USP36: variants seen among roughly 807,000 people sequenced by gnomAD.
USP36 encodes ubiquitin specific peptidase 36, also known as ubiquitin carboxyl-terminal hydrolase 36.
A neutral mutation model predicts 111.5 loss-of-function variants in USP36; 59 were observed. The ratio of observed to expected loss-of-function variants is 0.53; its 90% CI spans 0.43 to 0.66. The LOEUF (loss-of-function observed/expected upper bound fraction) is 0.66. Ranked by LOEUF, USP36 falls within the 30% of genes least tolerant of loss-of-function variation. The pLI is 0.00. For synonymous variants in USP36, 628 were observed against 581.0 expected (o/e 1.08, Z -1.16); for missense variants, 1,488 against 1,468.0 (o/e 1.01, Z -0.22).
At chr17:78,814,738 G>A (rs562248206) in intron 10 of USP36, among the ~76,000 whole-genome samples, 186 bp from the exon 11 acceptor site, 13 of 151,978 alleles carry the variant, frequency 8.6e-5, no homozygotes, top group African/African-American at 2.2e-4. Context: ...GGATCACCTC[G>A]AGGAGTTCGA....
Position 78,799,709 on chromosome 17 carries a change from C to G in USP36, c.3082G>C (p.Glu1028Gln), listed in dbSNP as rs776288879. 3.2e-5 allele frequency: 52 copies of G among 1,613,246 alleles called. No individual in the cohort carries two copies. Among genetic ancestry groups the G allele is most frequent in the Non-Finnish European group, 4.1e-5 (48 of 1,179,724 alleles). The change falls in exon 18 of 21, where the codon GAA becomes CAA. Residue 1028 changes from glutamate (E) to glutamine (Q), a missense_variant. Around this residue, in one of 3 missense-constraint regions of USP36, gnomAD observed 1,073 missense variants for 994.1 expected, o/e 1.08. Coordinates refer to ENST00000449938, the MANE Select transcript of USP36 (RefSeq NM_001385174.1). Reference sequence around the variant, plus strand: ...TTATCAGATGAGTATTTGAGCAGTTCCTGGACCACATCAGACTCCCGCTCT... The same window carrying G: ...TTATCAGATGAGTATTTGAGCAGTTGCTGGACCACATCAGACTCCCGCTCT... The part of the protein sequence containing the change: ...NGERESDVVQ[E>Q]LLKYSSDKAY...
At chr17:78,805,124 T>A (rs1410069761) in intron 15 of USP36, among the ~76,000 whole-genome samples, 1 of 152,152 alleles carries the variant, frequency 6.6e-6, no homozygotes, top group Admixed American at 6.5e-5. Context: ...TGAACCACCA[T>A]GTTCTCATTT....
At chr17:78,827,979 T>C (rs1415775573) in intron 5 of USP36, among the ~76,000 whole-genome samples, 1 of 152,068 alleles carries the variant, frequency 6.6e-6, no homozygotes, top group African/African-American at 2.4e-5. Flanking sequence ...ATCCCAACAC[T>C]TTGGAAGGCC....
At chr17:78,790,927 T>C (rs1393446019), downstream of USP36, among the ~76,000 whole-genome samples, 1 of 152,136 alleles carries the variant, frequency 6.6e-6, no homozygotes, top group African/African-American at 2.4e-5. Flanking sequence ...TGTTGCTTCC[T>C]CTAATCAACA....
intron 4 of USP36, among the ~76,000 whole-genome samples, chr17:78,832,917 G>A (rs1270993848): frequency 6.6e-6 from 1 of 152,178 alleles, no homozygotes; most frequent in African/African-American, 2.4e-5. Context: ...CGGAGGCAGA[G>A]GCAGGCAGAT....
rs867195983 is a variant in USP36, at chr17:78,832,432, A to G, written c.475+2848T>C. On this transcript the variant is annotated intron_variant, in intron 4 of 20. Coordinates refer to ENST00000449938, the MANE Select transcript of USP36 (RefSeq NM_001385174.1). ...GTCTCTTCATATGTTCCAAGATAGT[A>G]AGATGCACTAATATTTCACAGTGAT... is the stretch of plus-strand genomic sequence containing the variant. Among the ~76,000 whole-genome samples the G allele has an allele frequency of 3.9e-5, 6 of 152,350 alleles. No individual in the cohort carries two copies. In the Middle Eastern group the frequency reaches 0.014, roughly 345 times the overall value.
intron 3 of USP36, 121 bp from the exon 4 acceptor site, chr17:78,835,622 A>C: frequency 3.1e-6 from 3 of 983,148 alleles, no homozygotes; most frequent in Non-Finnish European, 4.5e-6. Flanking sequence ...ATGGCACCAG[A>C]GAAGAACTGG....
intron 3 of USP36, among the ~76,000 whole-genome samples, chr17:78,789,197 CAA>C (rs869247026): frequency 0.09 from 5,926 of 65,848 alleles, 271 homozygotes; most frequent in South Asian, 0.23. Flanking sequence ...AACTTGGTCC[CAA>C]AAAAAAAAAA....
At chr17:78,799,877 C>CT (rs549964435) in intron 17 of USP36, 109 bp from the exon 18 acceptor site, 7,471 of 154,636 alleles carry the variant, frequency 0.048, 371 homozygotes, top group African/African-American at 0.058. Context: ...GGATGCTTGC[C>CT]TTTTTTTTTT....
chr17:78,807,161 T>A lies in USP36; in HGVS notation c.1883A>T (p.Gln628Leu), dbSNP rs772769833. 4 of 1,614,042 alleles carry A rather than the reference T, an allele frequency of 2.5e-6. No homozygotes were observed. The highest frequency in any genetic ancestry group is 3.4e-6 in the Non-Finnish European group (4 of 1,180,014). The change falls in exon 14 of 21, where the codon CAG becomes CTG. Residue 628 changes from glutamine (Q) to leucine (L), a missense_variant. Transcript: ENST00000449938. Reference sequence around the variant, plus strand: ...ATGGGCCGCTCCACTCCTGGGGGTCTGGGGGGCCTTGGTGGAGTCGCTGCT... The same window carrying A: ...ATGGGCCGCTCCACTCCTGGGGGTCAGGGGGGCCTTGGTGGAGTCGCTGCT... ...SASSDSTKAP[Q>L]TPRSGAAHLC...
At position 78,803,608 on chromosome 17, in the gene USP36, C is replaced by T; in HGVS notation, c.2587G>A (p.Gly863Arg). 6.2e-7 allele frequency: 1 copy of T among 1,612,378 alleles called. No homozygotes were observed. The highest frequency in any genetic ancestry group is 1.1e-5 in the South Asian group (1 of 91,062). Residue 863 changes from glycine to arginine, a missense_variant, in exon 16 of 21, where the codon GGG (glycine) becomes AGG (arginine). By Grantham distance (125) the Gly-to-Arg change is moderately radical. Around this residue, in one of 3 missense-constraint regions of USP36, gnomAD observed 1,073 missense variants for 994.1 expected, o/e 1.08. Coordinates refer to ENST00000449938, the MANE Select transcript of USP36 (RefSeq NM_001385174.1). This position sits in a 1 kb window ranked among gnomAD's most constrained non-coding sequence, Gnocchi z 4.6. ...EDTAASALQE[G>R]QTQRQPGSPM... The stretch of plus-strand genomic sequence containing the variant: ...CTCCCAGGCTGTCTCTGTGTCTGCC[C>T]CTCCTGCAGGGCGCTGGCAGCTGTG...
At chr17:78,812,697 G>GAAAAAAAAAAAAAA (rs572009070) in intron 13 of USP36, among the ~76,000 whole-genome samples, 163 bp downstream of exon 13, 2 of 52,646 alleles carry the variant, frequency 3.8e-5, no homozygotes, top group African/African-American at 6.1e-5. Flanking sequence ...ACTCTGTCTC[G>GAAAAAAAAAAAAAA]AAAAAAAAAA....
At chr17:78,795,446 G>A (rs1292484533), downstream of USP36, among the ~76,000 whole-genome samples, 3 of 152,166 alleles carry the variant, frequency 2.0e-5, no homozygotes, top group Admixed American at 6.5e-5. The surrounding 1 kb of genome is among the most constrained non-coding windows in gnomAD (Gnocchi z 4.5). Flanking sequence ...ACGGCAACCC[G>A]CCTGCGCCCC....
chr17:78,807,668 GGAAGCGA>G (rs1303858694), intron 13 of USP36, 32 bp from the exon 14 acceptor site: 1 of 1,509,000 alleles, frequency 6.6e-7, no homozygotes, highest in East Asian at 2.3e-5. Context: ...ACACAACTGA[GGAAGCGA>G]GAAGTCTCAG....
At chr17:78,829,107 A>G in intron 4 of USP36, 100 bp from the exon 5 acceptor site, 1 of 985,496 alleles carries the variant, frequency 1.0e-6, no homozygotes, top group Non-Finnish European at 1.5e-6. Flanking sequence ...AAACACAAGC[A>G]GGTAAGAGCA....
chr17:78,827,427 T>G, intron 5 of USP36, 80 bp from the exon 6 acceptor site: 5 of 1,364,318 alleles, frequency 3.7e-6, no homozygotes, highest in Non-Finnish European at 5.0e-6. Context: ...GAATGGCCAT[T>G]CCTGGCTGTT....
intron 5 of USP36, among the ~76,000 whole-genome samples, chr17:78,827,599 G>C (rs1350386458): frequency 6.6e-6 from 1 of 152,140 alleles, no homozygotes; most frequent in African/African-American, 2.4e-5. Context: ...AGAACACCAA[G>C]CCCTCAAAAA....
chr17:78,799,157 G>C, intron 18 of USP36, 134 bp from the exon 19 acceptor site: 2 of 872,310 alleles, frequency 2.3e-6, no homozygotes, highest in Non-Finnish European at 3.7e-6. Context: ...GTGGTGAAGA[G>C]AAGGACAAGA....
At chr17:78,788,706 A>G (rs1322130700) in intron 3 of USP36, among the ~76,000 whole-genome samples, 1 of 152,148 alleles carries the variant, frequency 6.6e-6, no homozygotes, top group Non-Finnish European at 1.5e-5. Flanking sequence ...ACTCGGGTCC[A>G]TGGGGTAGGT....
Sources: gnomAD v4.1 joint callset for allele counts (sites outside exome capture counted in the v4.1 genomes callset) on GRCh38, gnomAD v4.1.1 for gene constraint, gnomAD v4.1.1 regional missense constraint, Gnocchi (gnomAD v3.1) non-coding constraint, MANE v1.5 for transcripts, NCBI Gene and HGNC (gene_info 2026-07-23, HGNC 2026-07-21) for gene names.